Variants in RP1 observed in about 807,000 individuals in gnomAD.
RP1 encodes RP1 axonemal microtubule associated, also known as oxygen-regulated protein 1.
A neutral mutation model predicts 14.8 loss-of-function variants in RP1; 16 were observed. That is an observed-to-expected ratio of 1.08 (90% CI 0.73 to 1.65). The LOEUF is 1.65. Among genes scored for constraint, RP1 ranks in the 40% most tolerant of loss-of-function variants. RP1 has a pLI of 0.00. For missense variants in RP1, 2,631 were observed against 2,535.0 expected (o/e 1.04, Z -0.81); for synonymous variants, 876 against 883.6 (o/e 0.99, Z 0.15).
intron 8 of RP1, among the ~76,000 whole-genome samples, chr8:54,675,182 T>C (rs145892400): frequency 6.6e-6 from 1 of 152,256 alleles, no homozygotes; most frequent in Non-Finnish European, 1.5e-5. Flanking sequence ...GGCAATGATA[T>C]ATCAGAAATA....
chr8:54,765,855 A>C (rs973043436), intron 22 of RP1, among the ~76,000 whole-genome samples: 2 of 152,184 alleles, frequency 1.3e-5, no homozygotes, highest in Non-Finnish European at 2.9e-5. Flanking sequence ...CAGACAATGC[A>C]CTGCCATTGT....
intron 24 of RP1, among the ~76,000 whole-genome samples, chr8:54,788,006 C>T (rs908036604): frequency 6.6e-6 from 1 of 152,166 alleles, no homozygotes; most frequent in Admixed American, 6.5e-5. Flanking sequence ...AACATCAATG[C>T]ACTTTATATA....
chr8:54,853,843 AAAGAGAAAGG>A (rs1812119020), intron 26 of RP1, among the ~76,000 whole-genome samples: 2 of 150,992 alleles, frequency 1.3e-5, no homozygotes, highest in Admixed American at 6.6e-5. Context: ...AGAGAGAAAG[AAAGAGAAAGG>A]AAGAGAAAGA....
intron 1 of RP1, among the ~76,000 whole-genome samples, chr8:54,607,741 C>T (rs1015802611): frequency 2.7e-4 from 41 of 152,264 alleles, no homozygotes; most frequent in East Asian, 1.7e-3. Flanking sequence ...GCCTCGGCAA[C>T]GGCACGGACC....
chr8:54,753,077 G>A (rs1809414195), intron 19 of RP1, among the ~76,000 whole-genome samples: 1 of 152,156 alleles, frequency 6.6e-6, no homozygotes, highest in African/African-American at 2.4e-5. Flanking sequence ...GACCACAGAA[G>A]TGGTATTCAA....
At chr8:54,812,437 G>C (rs1213980930) in intron 24 of RP1, among the ~76,000 whole-genome samples, 2 of 152,106 alleles carry the variant, frequency 1.3e-5, no homozygotes, top group Non-Finnish European at 2.9e-5. Flanking sequence ...CACTGTGCTT[G>C]GCCTTTGTTT....
In RP1 at chr8:54,584,902, G is replaced by A. The variant is rs145639937; in HGVS notation, c.-13+25582G>A. Among the ~76,000 whole-genome samples the A allele has an allele frequency of 1.3e-3, 197 of 152,256 alleles. 1 individual carries two copies. The highest frequency in any genetic ancestry group is 4.5e-3 in the African/African-American group (186 of 41,548). ...TTTGAGCCTATGTGTGTCTCTGCAC[G>A]TGAGATGGGTTTCCTGAATACAGCA... On this transcript the variant is annotated intron_variant, in intron 1 of 22. Coordinates refer to the RP1 transcript ENST00000636932.
chr8:54,692,107 A>G (rs958534918), intron 12 of RP1, among the ~76,000 whole-genome samples: 11 of 151,316 alleles, frequency 7.3e-5, no homozygotes, highest in Non-Finnish European at 1.6e-4. Context: ...GAGAATGATG[A>G]TTTCCAATTT....
chr8:54,656,411 C>G (rs1806756076), intron 6 of RP1, among the ~76,000 whole-genome samples: 1 of 152,040 alleles, frequency 6.6e-6, no homozygotes, highest in South Asian at 2.1e-4. Context: ...GGAGTATGTT[C>G]TTGTCAACAG....
At chr8:54,746,752 A>G (rs1277520093) in intron 19 of RP1, among the ~76,000 whole-genome samples, 3 of 152,192 alleles carry the variant, frequency 2.0e-5, no homozygotes, top group Admixed American at 1.3e-4. Context: ...AAGATGTTTA[A>G]TTTCTAAAAA....
chr8:54,826,720 C>T (rs1811392609), intron 24 of RP1, among the ~76,000 whole-genome samples: 1 of 152,092 alleles, frequency 6.6e-6, no homozygotes, highest in Non-Finnish European at 1.5e-5. Flanking sequence ...AAAATATTTA[C>T]AAAAAAGACC....
chr8:54,628,326 G>A lies in RP1; in HGVS notation c.4444G>A (p.Val1482Met). The A allele has an allele frequency of 6.2e-7, 1 of 1,613,844 alleles. No individual in the cohort carries two copies. The highest frequency in any genetic ancestry group is 8.5e-7 in the Non-Finnish European group (1 of 1,179,918). The stretch of plus-strand genomic sequence containing the variant: ...CCATGACACTGATATCTTTAATACA[G>A]TGGTAAATGGAGGAGAGCAAGCCAC... Reference protein sequence around the residue: ...ENHDTDIFNTVVNGGEQATEE... With the variant: ...ENHDTDIFNTMVNGGEQATEE... The change falls in exon 4 of 4, where the codon GTG becomes ATG. Residue 1482 changes from valine to methionine, a missense_variant. Coordinates refer to ENST00000220676, the MANE Select transcript of RP1 (RefSeq NM_006269.2).
At chr8:54,661,059 A>G (rs1233438209) in intron 6 of RP1, among the ~76,000 whole-genome samples, 1 of 151,284 alleles carries the variant, frequency 6.6e-6, no homozygotes, top group Non-Finnish European at 1.5e-5. Context: ...TACACTTGTA[A>G]TCCCAGCACT....
chr8:54,792,515 C>G (rs2129385121), intron 24 of RP1, among the ~76,000 whole-genome samples: 1 of 151,954 alleles, frequency 6.6e-6, no homozygotes. Flanking sequence ...TATCTTTTCT[C>G]ACTACAATAG....
chr8:54,829,566 A>G (rs186565709), intron 24 of RP1, among the ~76,000 whole-genome samples: 3 of 152,306 alleles, frequency 2.0e-5, no homozygotes, highest in Non-Finnish European at 4.4e-5. Flanking sequence ...TTATGATGGA[A>G]TTACATAATC....
exon 23 of RP1, chr8:54,769,833 T>C: frequency 6.8e-7 from 1 of 1,469,652 alleles, no homozygotes; most frequent in Non-Finnish European, 9.2e-7. Flanking sequence ...TAGAAGAAAG[T>C]ACAAGATGAT....
intron 6 of RP1, chr8:54,656,257 T>C (rs1174172487): frequency 1.3e-6 from 2 of 1,520,040 alleles, no homozygotes; most frequent in African/African-American, 2.8e-5. Context: ...TAAAACTTGT[T>C]TGCCTAAATG....
intron 3 of RP1, among the ~76,000 whole-genome samples, chr8:54,647,584 G>A (rs1192777582): frequency 6.6e-6 from 1 of 152,096 alleles, no homozygotes; most frequent in Non-Finnish European, 1.5e-5. Flanking sequence ...TGAGTAGAAT[G>A]CCATTTAAGT....
At chr8:54,763,569 A>C (rs1214979364) in intron 22 of RP1, among the ~76,000 whole-genome samples, 1 of 152,112 alleles carries the variant, frequency 6.6e-6, no homozygotes, top group African/African-American at 2.4e-5. Flanking sequence ...AATCCCAGCT[A>C]CTCGGGAGGC....
Sources: allele counts gnomAD v4.1 joint callset (sites outside exome capture counted in the v4.1 genomes callset), GRCh38; gene constraint gnomAD v4.1.1; transcripts MANE v1.5; gene names NCBI Gene and HGNC (gene_info 2026-07-23, HGNC 2026-07-21).